ARHGAP23: variants seen among roughly 807,000 people sequenced by gnomAD.
ARHGAP23 encodes Rho GTPase activating protein 23.
A neutral mutation model predicts 136.3 loss-of-function variants in ARHGAP23; 34 were observed. That is an observed-to-expected ratio of 0.25 (90% CI 0.19 to 0.33). The LOEUF (loss-of-function observed/expected upper bound fraction) is 0.33. Among genes scored for constraint, ARHGAP23 ranks in the 10% least tolerant of loss-of-function variants. The pLI, the probability that ARHGAP23 is intolerant of heterozygous loss-of-function variation, is 1.00. For missense variants in ARHGAP23, 1,808 were observed against 2,139.0 expected, an observed-to-expected ratio of 0.85 and a Z score of 3.05; for synonymous variants, 832 against 920.5, an observed-to-expected ratio of 0.90 and a Z score of 1.74.
At chr17:38,457,748 TG>T (rs1166351880) in intron 1 of ARHGAP23, 4 of 362,430 alleles carry the variant, frequency 1.1e-5, no homozygotes, top group African/African-American at 8.4e-5. Flanking sequence ...AGGCACTTCC[TG>T]GGCAGGAAGG....
At position 38,467,095 on chromosome 17, in the gene ARHGAP23, C is replaced by G; in HGVS notation, c.1412C>G (p.Pro471Arg). 1 of 1,550,642 alleles carries G rather than the reference C, an allele frequency of 6.4e-7. No individual in the cohort carries two copies. The highest frequency in any genetic ancestry group is 8.7e-7 in the Non-Finnish European group (1 of 1,146,830). ...TCCGAGCCACCCAGGGTTGTACGGC[C>G]GGAACCCAGCACCCGGGCCCTGGAG... Reference protein sequence around the residue: ...EASEPPRVVRPEPSTRALEPP... With the variant: ...EASEPPRVVRREPSTRALEPP... Residue 471 changes from proline (P) to arginine (R), a missense_variant, in exon 7 of 24, where the codon CCG becomes CGG. Transcript: ENST00000622683.
intron 1 of ARHGAP23, among the ~76,000 whole-genome samples, chr17:38,445,197 T>C (rs918032061): frequency 1.3e-5 from 2 of 150,140 alleles, no homozygotes; most frequent in African/African-American, 4.9e-5. Context: ...CCGGGTGCTG[T>C]GGCTCACGCC....
chr17:38,421,209 T>C (rs1035268623), intron 1 of ARHGAP23, among the ~76,000 whole-genome samples: 2 of 152,164 alleles, frequency 1.3e-5, no homozygotes, highest in Non-Finnish European at 2.9e-5. Context: ...TACAGAATCA[T>C]TGGGAAGCCT....
chr17:38,508,707 A>G (rs1327226006), intron 23 of ARHGAP23, among the ~76,000 whole-genome samples: 1 of 152,092 alleles, frequency 6.6e-6, no homozygotes, highest in Non-Finnish European at 1.5e-5. Context: ...TTTCAAAAGA[A>G]TCCAGGACTT....
At position 38,510,795 on chromosome 17, in the gene ARHGAP23, T is replaced by G. The variant is rs1567836434; in HGVS notation, c.4299T>G (p.Pro1433=). 4 of 1,503,008 alleles carry G rather than the reference T, an allele frequency of 2.7e-6. No individual in the cohort carries two copies. The Admixed American group carries it at 8.8e-5, about 33-fold the overall frequency. The allele number at this position is 1,503,008 out of a possible 1,614,324, so 93.1% of individuals were successfully genotyped here. A position where few individuals can be genotyped will look rare whatever the true frequency, so the allele number is the denominator to read the frequency against. The part of the protein sequence containing the change: ...KELGGGGPPE[P]AGARAHSDNK... ...TGGGCGGAGGGGGCCCCCCGGAGCCTGCGGGCGCGCGGGCGCACAGTGACA... is the reference window on the plus strand; with the variant it reads ...TGGGCGGAGGGGGCCCCCCGGAGCCGGCGGGCGCGCGGGCGCACAGTGACA... Residue 1433 remains proline, a synonymous_variant, in exon 24 of 24, where the codon CCT becomes CCG. Transcript: ENST00000622683. This position sits in a 1 kb window ranked among gnomAD's most constrained non-coding sequence, Gnocchi z 4.6.
chr17:38,480,383 C>T (rs2040006329), intron 14 of ARHGAP23, among the ~76,000 whole-genome samples: 1 of 152,194 alleles, frequency 6.6e-6, no homozygotes, highest in African/African-American at 2.4e-5. Flanking sequence ...CCTGTAATCC[C>T]AGCACTTTGG....
intron 11 of ARHGAP23, among the ~76,000 whole-genome samples, chr17:38,472,209 T>C (rs2144675170): frequency 6.6e-6 from 1 of 152,308 alleles, no homozygotes; most frequent in South Asian, 2.1e-4. Flanking sequence ...GAGGTGGATT[T>C]TGCTGTGGGA....
chr17:38,422,927 C>A (rs1042465070), intron 1 of ARHGAP23, among the ~76,000 whole-genome samples: 1 of 152,188 alleles, frequency 6.6e-6, no homozygotes, highest in Non-Finnish European at 1.5e-5. Flanking sequence ...GTGGCCAGCG[C>A]CTGTGCCCCA....
intron 14 of ARHGAP23, among the ~76,000 whole-genome samples, chr17:38,480,753 G>A (rs1441718484): frequency 2.1e-4 from 28 of 136,262 alleles, no homozygotes; most frequent in Admixed American, 2.0e-3. Context: ...GCAGTGAGCC[G>A]AGATCACACC....
chr17:38,510,808 G>A lies in ARHGAP23; in HGVS notation c.4312G>A (p.Ala1438Thr). Reference sequence around the variant, plus strand: ...CCCCCCGGAGCCTGCGGGCGCGCGGGCGCACAGTGACAACAAGGACTCCGG... The same window carrying A: ...CCCCCCGGAGCCTGCGGGCGCGCGGACGCACAGTGACAACAAGGACTCCGG... ...GGPPEPAGARAHSDNKDSGLS... is the reference protein window; with the variant it reads ...GGPPEPAGARTHSDNKDSGLS... The change falls in exon 24 of 24, where the codon GCG becomes ACG. Residue 1438 changes from alanine (A) to threonine (T), a missense_variant. Ala to Thr is a moderately conservative substitution (Grantham distance 58). Around this residue, in one of 7 missense-constraint regions of ARHGAP23, gnomAD observed 506 missense variants for 455.8 expected, o/e 1.11. Transcript: ENST00000622683. This position sits in a 1 kb window ranked among gnomAD's most constrained non-coding sequence, Gnocchi z 4.6. The A allele has an allele frequency of 1.3e-6, 2 of 1,507,560 alleles. No individual in the cohort carries two copies. Among genetic ancestry groups the A allele is most frequent in the South Asian group, 2.5e-5 (2 of 80,128 alleles). The allele number at this position is 1,507,560 out of a possible 1,614,324, so 93.4% of individuals were successfully genotyped here. A position where few individuals can be genotyped will look rare whatever the true frequency, so the allele number is the denominator to read the frequency against.
rs2040737180 is a variant in ARHGAP23, at chr17:38,510,538, T to G, written c.4042T>G (p.Ser1348Ala). 3 of 1,175,250 alleles carry G rather than the reference T, an allele frequency of 2.6e-6. No individual in the cohort carries two copies. In the African/African-American group the frequency reaches 5.0e-5, roughly 19 times the overall value. The allele number at this position is 1,175,250 out of a possible 1,614,324, so 72.8% of individuals were successfully genotyped here. A position where few individuals can be genotyped will look rare whatever the true frequency, so the allele number is the denominator to read the frequency against. Residue 1348 changes from serine (S) to alanine (A), a missense_variant, in exon 24 of 24, where the codon TCG (serine) becomes GCG (alanine). Physicochemically the swap from Ser to Ala is moderately conservative, Grantham distance 99 (BLOSUM62 1). Transcript: ENST00000622683. This position sits in a 1 kb window ranked among gnomAD's most constrained non-coding sequence, Gnocchi z 4.6. The part of the protein sequence containing the change: ...PRAPEPPGSA[S>A]SSSQESLRPP... ...CGCCCCGGAGCCGCCCGGCTCGGCGTCGTCCAGCAGCCAGGAGTCGCTGCG... is the reference window on the plus strand; with the variant it reads ...CGCCCCGGAGCCGCCCGGCTCGGCGGCGTCCAGCAGCCAGGAGTCGCTGCG...
chr17:38,509,064 A>G (rs1026541947), intron 23 of ARHGAP23, among the ~76,000 whole-genome samples: 1 of 146,914 alleles, frequency 6.8e-6, no homozygotes, highest in African/African-American at 2.5e-5. Flanking sequence ...GGGGCGGGCA[A>G]GAAGAACCTC....
rs2040747430 is a variant in ARHGAP23, at chr17:38,510,814, A to G, written c.4318A>G (p.Ser1440Gly). The G allele has an allele frequency of 1.3e-6, 2 of 1,507,102 alleles. No homozygotes were observed. The highest frequency in any genetic ancestry group is 1.5e-5 in the African/African-American group (1 of 68,940). 93.4% of individuals were successfully genotyped at this position (1,507,102 alleles called of 1,614,324 possible). The change falls in exon 24 of 24, where the codon AGT (serine) becomes GGT (glycine). Residue 1440 changes from serine (S) to glycine (G), a missense_variant. Physicochemically the swap from Ser to Gly is moderately conservative, Grantham distance 56. Around this residue, in one of 7 missense-constraint regions of ARHGAP23, gnomAD observed 506 missense variants for 455.8 expected, o/e 1.11. Coordinates refer to ENST00000622683, the MANE Select transcript of ARHGAP23 (RefSeq NM_001199417.2). This position sits in a 1 kb window ranked among gnomAD's most constrained non-coding sequence, Gnocchi z 4.6. Reference sequence around the variant, plus strand: ...GGAGCCTGCGGGCGCGCGGGCGCACAGTGACAACAAGGACTCCGGACTCAG... The same window carrying G: ...GGAGCCTGCGGGCGCGCGGGCGCACGGTGACAACAAGGACTCCGGACTCAG... ...PPEPAGARAH[S>G]DNKDSGLSSL...
rs1330037186 is a variant in ARHGAP23 at position 38,511,801 on chromosome 17, C to G, written c.*829C>G. On this transcript the variant is annotated 3_prime_UTR_variant, in exon 24 of 24. Coordinates refer to ENST00000622683, the MANE Select transcript of ARHGAP23 (RefSeq NM_001199417.2). ...CTCCCTCACCCCTCTTTTTGTTTTT[C>G]CATCTGTGCCTGTTCCTTCCACAGC... is the stretch of plus-strand genomic sequence containing the variant. The G allele has an allele frequency of 6.6e-6, 1 of 152,016 alleles. No homozygotes were observed. Among genetic ancestry groups the G allele is most frequent in the East Asian group, 1.9e-4 (1 of 5,194 alleles). 9.4% of individuals were successfully genotyped at this position (152,016 alleles called of 1,614,324 possible).
At chr17:38,443,209 C>T (rs573521586) in intron 1 of ARHGAP23, among the ~76,000 whole-genome samples, 4 of 152,322 alleles carry the variant, frequency 2.6e-5, no homozygotes, top group Admixed American at 6.5e-5. Context: ...CCCCAAGCCT[C>T]GGTGCCCCTG....
At position 38,486,069 on chromosome 17, in the gene ARHGAP23, A is replaced by G; in HGVS notation, c.2915A>G (p.Gln972Arg). Reference sequence around the variant, plus strand: ...ATCTGACCCCTCCCCCAGCGCTGGCAAGACCTCAATGTGATCAGCAGCCTG... The same window carrying G: ...ATCTGACCCCTCCCCCAGCGCTGGCGAGACCTCAATGTGATCAGCAGCCTG... ...GDINLQDERW[Q>R]DLNVISSLLK... is the part of the protein sequence containing the mutation. The change falls in exon 17 of 24, where the codon CAA (glutamine) becomes CGA (arginine). Residue 972 changes from glutamine (Q) to arginine (R), a missense_variant. Physicochemically the swap from Gln to Arg is conservative, Grantham distance 43. This residue lies in a region of ARHGAP23 where 105 missense variants were observed against 200.6 expected (regional missense o/e 0.52). Transcript: ENST00000622683. The G allele has an allele frequency of 1.3e-6, 2 of 1,551,196 alleles. No homozygotes were observed. The highest frequency in any genetic ancestry group is 8.7e-7 in the Non-Finnish European group (1 of 1,146,792).
Position 38,510,285 on chromosome 17 carries a change from C to A in ARHGAP23, c.3789C>A (p.Gly1263=). The change falls in exon 24 of 24, where the codon GGC becomes GGA. Residue 1263 remains glycine, a synonymous_variant. Coordinates refer to ENST00000622683, the MANE Select transcript of ARHGAP23 (RefSeq NM_001199417.2). This position sits in a 1 kb window ranked among gnomAD's most constrained non-coding sequence, Gnocchi z 4.6. ...CCATGGACCGCAGCGTGTGCTCGGG[C>A]GCTAGCGGTCGGCGGGCAGGGGCGG... The part of the protein sequence containing the change: ...LSTMDRSVCS[G]ASGRRAGAGD... 1 of 1,284,768 alleles carries A rather than the reference C, an allele frequency of 7.8e-7. No individual in the cohort carries two copies. The highest frequency in any genetic ancestry group is 9.8e-7 in the Non-Finnish European group (1 of 1,016,260). The allele number at this position is 1,284,768 out of a possible 1,614,324, so 79.6% of individuals were successfully genotyped here. A position where few individuals can be genotyped will look rare whatever the true frequency, so the allele number is the denominator to read the frequency against.
chr17:38,443,918 G>A (rs57495226), intron 1 of ARHGAP23, among the ~76,000 whole-genome samples: 26,671 of 152,064 alleles, frequency 0.18, 3,475 homozygotes, highest in African/African-American at 0.37. Context: ...GGGGCAGGCG[G>A]AGTCACACCT....
At chr17:38,460,795 G>T in intron 2 of ARHGAP23, 110 bp from the exon 3 acceptor site, 1 of 1,533,588 alleles carries the variant, frequency 6.5e-7, no homozygotes, top group Admixed American at 2.0e-5. Context: ...CTACTTGGGA[G>T]GAGATAAGGG....
Sources: gnomAD v4.1 joint callset for allele counts (sites outside exome capture counted in the v4.1 genomes callset) on GRCh38, gnomAD v4.1.1 for gene constraint, gnomAD v4.1.1 regional missense constraint, Gnocchi (gnomAD v3.1) non-coding constraint, MANE v1.5 for transcripts, NCBI Gene and HGNC (gene_info 2026-07-23, HGNC 2026-07-21) for gene names.